C4orf50: variants seen among roughly 807,000 people sequenced by gnomAD.
C4orf50 encodes the protein uncharacterized protein C4orf50.
C4orf50 carries 80 observed loss-of-function variants against 77.2 expected under a neutral mutation model. The observed-to-expected ratio is 1.04, with a 90% CI of 0.87 to 1.25. The LOEUF (loss-of-function observed/expected upper bound fraction) is 1.25. Ranked by LOEUF, C4orf50 falls within the 50% of genes most tolerant of loss-of-function variation. The pLI is 0.00. For missense variants in C4orf50, 1,257 were observed against 1,152.9 expected, an observed-to-expected ratio of 1.09 and a Z score of -1.31; for synonymous variants, 532 against 465.3, an observed-to-expected ratio of 1.14 and a Z score of -1.84.
intron 28 of C4orf50, among the ~76,000 whole-genome samples, chr4:5,987,048 A>G (rs1194414902): frequency 6.6e-6 from 1 of 152,188 alleles, no homozygotes; most frequent in African/African-American, 2.4e-5. Context: ...CTGAAAATCA[A>G]TGACCTAAGT....
At chr4:5,936,786 G>C (rs1718045164) in intron 7 of C4orf50, among the ~76,000 whole-genome samples, 1 of 151,954 alleles carries the variant, frequency 6.6e-6, no homozygotes, top group Admixed American at 6.6e-5. Flanking sequence ...ATGAACCCCA[G>C]GTAGGATAGA....
chr4:5,943,562 G>A (rs1718353195), intron 7 of C4orf50, among the ~76,000 whole-genome samples: 1 of 152,168 alleles, frequency 6.6e-6, no homozygotes, highest in Admixed American at 6.5e-5. Flanking sequence ...TTCCTTATCT[G>A]CAAAATGGGT....
At chr4:5,974,967 C>T (rs11945432) in intron 30 of C4orf50, among the ~76,000 whole-genome samples, 36,068 of 151,500 alleles carry the variant, frequency 0.24, 4,466 homozygotes, top group Middle Eastern at 0.28. Context: ...TGGTGAAACC[C>T]TGTCTCTACT....
At chr4:6,004,110 GTGA>G (rs1560598523) in intron 25 of C4orf50, among the ~76,000 whole-genome samples, 2 of 100,610 alleles carry the variant, frequency 2.0e-5, no homozygotes, top group Non-Finnish European at 4.2e-5. Flanking sequence ...GATGGTGATG[GTGA>G]TGATGGTGAT....
chr4:6,014,872 G>C (rs6818385), intron 23 of C4orf50, among the ~76,000 whole-genome samples: 2 of 151,884 alleles, frequency 1.3e-5, no homozygotes, highest in Non-Finnish European at 2.9e-5. Context: ...CAGAGGACTC[G>C]AGCCCACATC....
intron 7 of C4orf50, among the ~76,000 whole-genome samples, chr4:5,930,826 CTGT>C (rs1717735548): frequency 6.6e-6 from 1 of 152,252 alleles, no homozygotes; most frequent in African/African-American, 2.4e-5. Flanking sequence ...TTCACCTCTG[CTGT>C]CCATGATGCC....
chr4:5,969,072 A>G (rs1024425910), intron 31 of C4orf50, among the ~76,000 whole-genome samples: 4 of 152,122 alleles, frequency 2.6e-5, no homozygotes, highest in African/African-American at 9.7e-5. Flanking sequence ...GCGGAACAGA[A>G]ATACGGTACC....
rs189141354 is a variant in C4orf50 at position 5,914,793 on chromosome 4, C to A, written c.*2475-16605G>T. Among the ~76,000 whole-genome samples the A allele has an allele frequency of 1.6e-4, 25 of 152,294 alleles. No individual in the cohort carries two copies. The East Asian group carries it at 3.5e-3, about 21-fold the overall frequency. On this transcript the variant is annotated intron_variant, in intron 7 of 7. Transcript: ENST00000324058. ...ACATAATAACCTTGAGCTTGTTTTA[C>A]AAGGCTGAGTCAGTAAGTTAATGTA...
intron 33 of C4orf50, among the ~76,000 whole-genome samples, chr4:5,961,460 G>A (rs148899836): frequency 1.8e-3 from 267 of 152,340 alleles, no homozygotes; most frequent in African/African-American, 6.2e-3. Context: ...GCAATATGTC[G>A]TTCCAAGCAC....
intron 7 of C4orf50, among the ~76,000 whole-genome samples, chr4:5,912,193 G>A (rs184204348): frequency 7.9e-5 from 12 of 152,130 alleles, no homozygotes; most frequent in African/African-American, 2.9e-4. Context: ...GTTGGTAAGA[G>A]ACGCATGCAA....
chr4:5,947,971 G>A (rs1171712387), intron 7 of C4orf50, among the ~76,000 whole-genome samples: 2 of 152,162 alleles, frequency 1.3e-5, no homozygotes, highest in Non-Finnish European at 2.9e-5. Context: ...TCACTTCCAG[G>A]AGGGTCTGTC....
intron 31 of C4orf50, among the ~76,000 whole-genome samples, chr4:5,969,475 C>A (rs1033407908): frequency 6.6e-6 from 1 of 150,972 alleles, no homozygotes; most frequent in Admixed American, 6.6e-5. Context: ...AACAGCAGGG[C>A]GAGAGGAGGT....
chr4:5,987,590 GAGAA>G (rs1323913497), intron 28 of C4orf50, among the ~76,000 whole-genome samples: 2 of 151,032 alleles, frequency 1.3e-5, no homozygotes, highest in African/African-American at 4.9e-5. Flanking sequence ...GAGACAAAGA[GAGAA>G]AGAGGGAAAG....
intron 7 of C4orf50, among the ~76,000 whole-genome samples, chr4:5,950,707 C>T (rs1319979433): frequency 6.6e-6 from 1 of 152,124 alleles, no homozygotes; most frequent in Non-Finnish European, 1.5e-5. Flanking sequence ...TGTCTCCACC[C>T]CCGTTTTTCT....
chr4:5,961,269 C>G (rs1468711969), intron 33 of C4orf50, among the ~76,000 whole-genome samples: 1 of 152,172 alleles, frequency 6.6e-6, no homozygotes, highest in African/African-American at 2.4e-5. Flanking sequence ...GAGCCGAGAT[C>G]GTGCCTCTGC....
Position 5,992,982 on chromosome 4 carries a change from C to A in C4orf50, c.1094-52G>T. 1 of 398,418 alleles carries A rather than the reference C, an allele frequency of 2.5e-6. No individual in the cohort carries two copies. The allele number at this position is 398,418 out of a possible 1,614,324, so 24.7% of individuals were successfully genotyped here. On this transcript the variant is annotated intron_variant, in intron 26 of 33. Coordinates refer to ENST00000531445, the Ensembl canonical transcript of C4orf50. This position sits in a 1 kb window ranked among gnomAD's most constrained non-coding sequence, Gnocchi z 5.0. ...TACAAAGATGCTCCCAGGGGCTCTG[C>A]CATGATCGCCTCTAGGGACCACGTC...
chr4:5,965,209 C>T, intron 32 of C4orf50, 64 bp from the exon 11 acceptor site: 1 of 1,541,840 alleles, frequency 6.5e-7, no homozygotes. Flanking sequence ...CTACAAGTGT[C>T]TGAGCCTTGT....
chr4:5,897,771 G>A (rs748160054), exon 8 of C4orf50: 6 of 152,218 alleles, frequency 3.9e-5, no homozygotes, highest in Non-Finnish European at 5.9e-5. Context: ...GGTTGAGCCC[G>A]ACCCACAACT....
intron 28 of C4orf50, among the ~76,000 whole-genome samples, chr4:5,986,476 T>A (rs1316477658): frequency 6.6e-6 from 1 of 152,204 alleles, no homozygotes. Flanking sequence ...TGCTTGTTTT[T>A]ATTTCATCCT....
Sources: allele counts gnomAD v4.1 joint callset (sites outside exome capture counted in the v4.1 genomes callset), GRCh38; gene constraint gnomAD v4.1.1; non-coding constraint Gnocchi (gnomAD v3.1); transcripts MANE v1.5; gene names NCBI Gene and HGNC (gene_info 2026-07-23, HGNC 2026-07-21).